Variants in RCAN3 observed in about 807,000 individuals in gnomAD.
RCAN3 encodes the protein regulator of calcineurin 3, also known as calcipressin-3.
A neutral mutation model predicts 21.9 loss-of-function variants in RCAN3; 19 were observed. That is an observed-to-expected ratio of 0.87 (90% CI 0.61 to 1.27). RCAN3 has a LOEUF of 1.27. Ranked by LOEUF, RCAN3 falls within the 50% of genes most tolerant of loss-of-function variation. The probability of loss-of-function intolerance (pLI) is 0.00; values close to 1 mark genes in which losing one functional copy is unlikely to be tolerated. For missense variants in RCAN3, 240 were observed against 300.1 expected, an observed-to-expected ratio of 0.80 and a Z score of 1.48; for synonymous variants, 114 against 112.3, an observed-to-expected ratio of 1.01 and a Z score of -0.09.
rs1475491313 is a variant in RCAN3 at position 24,540,309 on chromosome 1, A to T, written c.*5032A>T. 1.3e-5 allele frequency: 2 copies of T among 152,498 alleles called. No homozygotes were observed. Among genetic ancestry groups the T allele is most frequent in the Admixed American group, 1.3e-4 (2 of 15,282 alleles). 9.4% of individuals were successfully genotyped at this position (152,498 alleles called of 1,614,324 possible). On this transcript the variant is annotated 3_prime_UTR_variant, in exon 5 of 5. Transcript: ENST00000374395. ...TACCCACTTAAATAACAGCGTAAAGATCTTTCACTAAATTCGTTATGTGGT... is the reference window on the plus strand; with the variant it reads ...TACCCACTTAAATAACAGCGTAAAGTTCTTTCACTAAATTCGTTATGTGGT...
chr1:24,523,952 G>A (rs1034486165), intron 2 of RCAN3, among the ~76,000 whole-genome samples: 1 of 152,104 alleles, frequency 6.6e-6, no homozygotes, highest in East Asian at 1.9e-4. Flanking sequence ...TTGGCCAGGC[G>A]TGGTGGCACA....
intron 2 of RCAN3, among the ~76,000 whole-genome samples, chr1:24,516,578 G>A (rs984517402): frequency 2.0e-5 from 3 of 152,174 alleles, no homozygotes; most frequent in Non-Finnish European, 2.9e-5. Flanking sequence ...AGGAGAAATC[G>A]GACTAGAAGA....
chr1:24,514,205 T>C (rs1648110122), intron 1 of RCAN3, 109 bp from the exon 2 acceptor site: 1 of 496,056 alleles, frequency 2.0e-6, no homozygotes, highest in Non-Finnish European at 3.5e-6. Context: ...GATTCATCGT[T>C]CTAAATAAAA....
intron 3 of RCAN3, among the ~76,000 whole-genome samples, chr1:24,532,580 C>T (rs1570485125): frequency 6.6e-6 from 1 of 151,762 alleles, no homozygotes; most frequent in Non-Finnish European, 1.5e-5. Context: ...CTGTGTGTGG[C>T]CATGTGCTGT....
rs565876030 is a variant in RCAN3 at position 24,531,102 on chromosome 1, T to G, written c.196-116T>G. On this transcript the variant is annotated intron_variant, in intron 2 of 4. Transcript: ENST00000374395. The stretch of plus-strand genomic sequence containing the variant: ...AAGTATACTTTTTTTGGAGAAAAGG[T>G]TAACTTATAATGAGTTCTTAATTAG... 7.3e-6 allele frequency: 5 copies of G among 688,146 alleles called. 1 individual carries two copies. The highest frequency in any genetic ancestry group is 4.4e-4 in the Middle Eastern group (1 of 2,250). 42.6% of individuals were successfully genotyped at this position (688,146 alleles called of 1,614,324 possible).
At chr1:24,513,945 A>G (rs1648090490) in intron 1 of RCAN3, among the ~76,000 whole-genome samples, 1 of 152,198 alleles carries the variant, frequency 6.6e-6, no homozygotes, top group East Asian at 1.9e-4. Flanking sequence ...GTAGATGGAA[A>G]ACCCCAAACA....
intron 2 of RCAN3, among the ~76,000 whole-genome samples, chr1:24,530,767 T>G (rs572593760): frequency 1.6e-4 from 25 of 152,320 alleles, no homozygotes; most frequent in African/African-American, 5.1e-4. Context: ...TCCCAGCACT[T>G]TGGGAGGCCC....
intron 3 of RCAN3, among the ~76,000 whole-genome samples, chr1:24,532,474 G>A (rs559451831): frequency 3.4e-4 from 51 of 151,722 alleles, no homozygotes; most frequent in African/African-American, 1.1e-3. Flanking sequence ...TGACCCACCC[G>A]CCTCGGCCTC....
In RCAN3 at chr1:24,533,073, C is replaced by A; in HGVS notation, c.370-10C>A. ...TTGCAAACTGGCTTTGAGCGTCTCG[C>A]TCCCTGCAGGTGCAGATGTCCGGCG... On this transcript the variant is annotated splice_polypyrimidine_tract_variant and intron_variant, in intron 3 of 4. Coordinates refer to ENST00000374395, the MANE Select transcript of RCAN3 (RefSeq NM_013441.4). 7.0e-7 allele frequency: 1 copy of A among 1,421,086 alleles called. No individual in the cohort carries two copies. The highest frequency in any genetic ancestry group is 1.8e-5 in the South Asian group (1 of 57,132). 88.0% of individuals were successfully genotyped at this position (1,421,086 alleles called of 1,614,324 possible).
Position 24,516,224 on chromosome 1 carries a change from G to A in RCAN3, c.195+1657G>A, listed in dbSNP as rs181805206. Among the ~76,000 whole-genome samples, 344 of 152,302 alleles carry A rather than the reference G, an allele frequency of 2.3e-3. 1 individual carries two copies. The highest frequency in any genetic ancestry group is 7.8e-3 in the African/African-American group (324 of 41,568). On this transcript the variant is annotated intron_variant, in intron 2 of 4. Coordinates refer to ENST00000374395, the MANE Select transcript of RCAN3 (RefSeq NM_013441.4). The stretch of plus-strand genomic sequence containing the variant: ...TCTCGCCTGTAATCCCAGCATTTTG[G>A]GAGGCTGTGGCGGGCAGATCACTTG...
At chr1:24,508,311 G>T (rs190379093) in intron 1 of RCAN3, among the ~76,000 whole-genome samples, 13 of 152,290 alleles carry the variant, frequency 8.5e-5, no homozygotes, top group Non-Finnish European at 1.6e-4. Context: ...TATTGCTCAA[G>T]GTTCTGCTCT....
chr1:24,534,512 CAGG>C (rs763671621), intron 4 of RCAN3, among the ~76,000 whole-genome samples: 2 of 152,032 alleles, frequency 1.3e-5, no homozygotes, highest in South Asian at 4.1e-4. Flanking sequence ...GAGGCTGAGG[CAGG>C]AGAATGGCGT....
intron 2 of RCAN3, among the ~76,000 whole-genome samples, chr1:24,529,493 G>C (rs1260097883): frequency 2.7e-5 from 4 of 150,296 alleles, no homozygotes; most frequent in Non-Finnish European, 5.9e-5. Flanking sequence ...TGAGGCTGCA[G>C]TGAACTCTGA....
chr1:24,524,184 C>G (rs1269508044), intron 2 of RCAN3, among the ~76,000 whole-genome samples: 1 of 151,962 alleles, frequency 6.6e-6, no homozygotes, highest in Non-Finnish European at 1.5e-5. Flanking sequence ...GAGCCAAGAT[C>G]GCGCCACTTC....
intron 2 of RCAN3, among the ~76,000 whole-genome samples, chr1:24,530,719 A>G (rs1649691111): frequency 6.6e-6 from 1 of 152,182 alleles, no homozygotes; most frequent in Non-Finnish European, 1.5e-5. Flanking sequence ...TACATTTAAA[A>G]TAAGTGCACG....
At chr1:24,513,392 G>A (rs746104174) in intron 1 of RCAN3, among the ~76,000 whole-genome samples, 8 of 152,188 alleles carry the variant, frequency 5.3e-5, no homozygotes, top group Non-Finnish European at 1.2e-4. Flanking sequence ...TTGGCCAGAT[G>A]TGGTGGCTCA....
At chr1:24,522,566 G>A (rs984453199) in intron 2 of RCAN3, among the ~76,000 whole-genome samples, 7 of 152,232 alleles carry the variant, frequency 4.6e-5, no homozygotes, top group East Asian at 1.9e-4. Flanking sequence ...TTGAAAACGC[G>A]ACCTGGAGGG....
At chr1:24,533,481 T>A (rs974148794) in intron 4 of RCAN3, among the ~76,000 whole-genome samples, 2 of 152,170 alleles carry the variant, frequency 1.3e-5, no homozygotes, top group Non-Finnish European at 2.9e-5. Flanking sequence ...GGGAGAATCA[T>A]ATGCACCATT....
At chr1:24,511,199 G>A (rs1271103471) in intron 1 of RCAN3, among the ~76,000 whole-genome samples, 5 of 152,158 alleles carry the variant, frequency 3.3e-5, no homozygotes, top group Non-Finnish European at 7.4e-5. Flanking sequence ...TGTAGTCCCA[G>A]CTACTCGGGA....
Sources: allele counts gnomAD v4.1 joint callset (sites outside exome capture counted in the v4.1 genomes callset), GRCh38; gene constraint gnomAD v4.1.1; transcripts MANE v1.5; gene names NCBI Gene and HGNC (gene_info 2026-07-23, HGNC 2026-07-21).